HIVEP3: variants seen among roughly 807,000 people sequenced by gnomAD.
HIVEP3 encodes HIVEP zinc finger 3.
In HIVEP3, 49 loss-of-function variants were observed where a neutral mutation model predicts 152.8. The observed-to-expected ratio is 0.32, with a 90% CI of 0.26 to 0.41. HIVEP3 has a LOEUF of 0.41. HIVEP3 is among the 10% of genes least tolerant of loss of function. The pLI, the probability that HIVEP3 is intolerant of heterozygous loss-of-function variation, is 1.00. For synonymous variants in HIVEP3, 1,269 were observed against 1,289.0 expected (o/e 0.98, Z 0.33); for missense variants, 2,790 against 3,103.3 (o/e 0.90, Z 2.40).
chr1:41,912,811 T>C (rs1040816152), intron 1 of HIVEP3, among the ~76,000 whole-genome samples: 3 of 152,208 alleles, frequency 2.0e-5, no homozygotes, highest in African/African-American at 7.2e-5. Context: ...AGGGGAAGTT[T>C]CTAACACTGT....
At chr1:41,522,542 G>A (rs1300908346) in intron 6 of HIVEP3, among the ~76,000 whole-genome samples, 1 of 152,120 alleles carries the variant, frequency 6.6e-6, no homozygotes, top group Non-Finnish European at 1.5e-5. Context: ...TACCTCGGGG[G>A]ATGCTCTACA....
At chr1:41,783,916 C>T (rs1226297557) in intron 1 of HIVEP3, among the ~76,000 whole-genome samples, 2 of 152,102 alleles carry the variant, frequency 1.3e-5, no homozygotes, top group South Asian at 2.1e-4. Flanking sequence ...AGCAGGGTGG[C>T]GGTATTATCT....
chr1:41,816,376 AT>A (rs761549236), intron 1 of HIVEP3, among the ~76,000 whole-genome samples: 36 of 152,322 alleles, frequency 2.4e-4, no homozygotes, highest in Non-Finnish European at 4.1e-4. Flanking sequence ...GCAAATTTTC[AT>A]TAACTAACAA....
At chr1:41,841,952 G>A (rs752384957) in intron 1 of HIVEP3, among the ~76,000 whole-genome samples, 1 of 151,972 alleles carries the variant, frequency 6.6e-6, no homozygotes, top group Non-Finnish European at 1.5e-5. Context: ...ACTTAGCCAG[G>A]CGTGGTGGTG....
intron 1 of HIVEP3, among the ~76,000 whole-genome samples, chr1:41,806,528 G>T (rs76664543): frequency 6.6e-6 from 1 of 152,246 alleles, no homozygotes; most frequent in Non-Finnish European, 1.5e-5. Flanking sequence ...GTGAATGGGG[G>T]TAAGAAGAGC....
chr1:41,996,997 C>T (rs1326518608), intron 1 of HIVEP3, among the ~76,000 whole-genome samples: 1 of 152,196 alleles, frequency 6.6e-6, no homozygotes, highest in African/African-American at 2.4e-5. Flanking sequence ...ATTGAGCCCA[C>T]CCAGATAATC....
At chr1:41,940,812 A>G (rs929333892) in intron 1 of HIVEP3, among the ~76,000 whole-genome samples, 1 of 151,870 alleles carries the variant, frequency 6.6e-6, no homozygotes, top group East Asian at 1.9e-4. Flanking sequence ...GAGCATGAAG[A>G]GAGAGGATAA....
At chr1:41,652,289 CCTCT>C (rs1206415049) in intron 2 of HIVEP3, among the ~76,000 whole-genome samples, 1 of 152,192 alleles carries the variant, frequency 6.6e-6, no homozygotes. Context: ...TTAAAATTTC[CCTCT>C]CTGTTATTTA....
intron 2 of HIVEP3, among the ~76,000 whole-genome samples, chr1:41,633,447 G>A (rs952682296): frequency 8.5e-5 from 13 of 152,160 alleles, no homozygotes; most frequent in Admixed American, 2.0e-4. Flanking sequence ...CCCAAAAAGA[G>A]TGGATCCTCT....
At chr1:41,966,574 C>T (rs933001246) in intron 1 of HIVEP3, among the ~76,000 whole-genome samples, 8 of 150,848 alleles carry the variant, frequency 5.3e-5, no homozygotes, top group Admixed American at 2.0e-4. Flanking sequence ...CCTGGGTTCA[C>T]GCCATTCTCC....
chr1:41,818,405 G>C (rs1028546427), intron 1 of HIVEP3, among the ~76,000 whole-genome samples: 1 of 152,168 alleles, frequency 6.6e-6, no homozygotes, highest in Non-Finnish European at 1.5e-5. Flanking sequence ...GCAGTATATA[G>C]TATTTCTTCT....
intron 5 of HIVEP3, among the ~76,000 whole-genome samples, chr1:41,565,175 T>C (rs1255510590): frequency 1.3e-5 from 2 of 152,230 alleles, no homozygotes; most frequent in Non-Finnish European, 2.9e-5. Flanking sequence ...TGGTTTACTT[T>C]ATGGCTTGGC....
chr1:41,714,063 G>GACT lies in HIVEP3; in HGVS notation c.-800-13071_-800-13069dup, dbSNP rs1289943078. Among the ~76,000 whole-genome samples, 7 of 152,362 alleles carry GACT rather than the reference G, an allele frequency of 4.6e-5. No individual in the cohort carries two copies. In the East Asian group the frequency reaches 1.4e-3, roughly 29 times the overall value. On this transcript the variant is annotated intron_variant, in intron 1 of 8. Coordinates refer to ENST00000372583, the MANE Select transcript of HIVEP3 (RefSeq NM_024503.5). ...CCTGCCCAGGGCTGCTCAGCAGCTG[G>GACT]ACTACAGGGGCCCGGGTTCTCAAGC...
At position 41,629,821 on chromosome 1, in the gene HIVEP3, T is replaced by C. The variant is rs1179410618; in HGVS notation, c.-720-874A>G. 2.6e-5 allele frequency among the ~76,000 whole-genome samples: 4 copies of C among 152,096 alleles called. No individual in the cohort carries two copies. The East Asian group carries it at 5.8e-4, about 22-fold the overall frequency. ...GAGAGAAGGGAATGCTTATACGCGG[T>C]TGGCAGGAATGTAAGGTAGCTCAGC... is the stretch of plus-strand genomic sequence containing the variant. On this transcript the variant is annotated intron_variant, in intron 2 of 8. Transcript: ENST00000372583.
rs141276496 is a variant in HIVEP3, at chr1:42,033,351, C to A, written n.119+2456G>T. Reference sequence around the variant, plus strand: ...TTTTTTTAATTACAAAAGTAACACTCCTTGGTGCAACAAAATAAAACAACA... The same window carrying A: ...TTTTTTTAATTACAAAAGTAACACTACTTGGTGCAACAAAATAAAACAACA... On this transcript the variant is annotated intron_variant and non_coding_transcript_variant, in intron 1 of 3. Coordinates refer to the HIVEP3 transcript ENST00000489103. 1.6e-3 allele frequency among the ~76,000 whole-genome samples: 248 copies of A among 152,232 alleles called. 1 individual carries two copies. Among genetic ancestry groups the A allele is most frequent in the African/African-American group, 5.5e-3 (230 of 41,520 alleles).
chr1:41,586,679 T>G (rs1179908863), intron 3 of HIVEP3, among the ~76,000 whole-genome samples: 1 of 152,206 alleles, frequency 6.6e-6, no homozygotes, highest in Non-Finnish European at 1.5e-5. Flanking sequence ...GACGAACAAG[T>G]CTTTAAGACT....
At chr1:41,900,145 T>A (rs1319664516) in intron 1 of HIVEP3, among the ~76,000 whole-genome samples, 1 of 152,216 alleles carries the variant, frequency 6.6e-6, no homozygotes, top group Non-Finnish European at 1.5e-5. Flanking sequence ...TAGCTGCCCA[T>A]GGGCAGGGTT....
At chr1:41,596,796 G>A (rs1225789145) in intron 3 of HIVEP3, among the ~76,000 whole-genome samples, 1 of 152,116 alleles carries the variant, frequency 6.6e-6, no homozygotes, top group Non-Finnish European at 1.5e-5. Context: ...ACCCCCAAGG[G>A]CCCTGATCTT....
At chr1:41,874,422 C>T (rs1644132760) in intron 1 of HIVEP3, among the ~76,000 whole-genome samples, 1 of 152,176 alleles carries the variant, frequency 6.6e-6, no homozygotes, top group African/African-American at 2.4e-5. Flanking sequence ...AAAAGTCTTC[C>T]TCTTCCTGGG....
Sources: gnomAD v4.1 joint callset for allele counts (sites outside exome capture counted in the v4.1 genomes callset) on GRCh38, gnomAD v4.1.1 for gene constraint, MANE v1.5 for transcripts, NCBI Gene and HGNC (gene_info 2026-07-23, HGNC 2026-07-21) for gene names.